ANK3: variants seen among roughly 807,000 people sequenced by gnomAD.
ANK3 encodes the protein ankyrin-3.
In ANK3, 57 loss-of-function variants were observed where a neutral mutation model predicts 370.9. The observed-to-expected ratio is 0.15, with a 90% confidence interval of 0.12 to 0.19. The LOEUF is 0.19. ANK3 is among the 10% of genes least tolerant of loss of function. The probability of loss-of-function intolerance (pLI) is 1.00; values close to 1 mark genes in which losing one functional copy is unlikely to be tolerated. For synonymous variants in ANK3, 1,929 were observed against 1,946.3 expected (o/e 0.99, Z 0.23); for missense variants, 4,439 against 5,302.1 (o/e 0.84, Z 5.06).
intron 2 of ANK3, among the ~76,000 whole-genome samples, chr10:60,575,339 GA>G (rs5785457): frequency 0.19 from 27,970 of 144,190 alleles, 3,156 homozygotes; most frequent in East Asian, 0.38. Context: ...TGGTTGGATG[GA>G]AAAAAAAAAA....
chr10:60,197,414 T>C (rs779456988), intron 14 of ANK3, among the ~76,000 whole-genome samples: 32 of 152,126 alleles, frequency 2.1e-4, no homozygotes, highest in Non-Finnish European at 4.1e-4. Context: ...GATTACGGGG[T>C]CATCAGCACA....
chr10:60,070,581 G>A lies in ANK3; in HGVS notation c.10300C>T (p.Leu3434Phe), dbSNP rs2082500560. Reference sequence around the variant, plus strand: ...TTAATTTCCATGGCTTGAATTGGGAGTTTAGAATCACTCTCTGTCAAGCCA... The same window carrying A: ...TTAATTTCCATGGCTTGAATTGGGAATTTAGAATCACTCTCTGTCAAGCCA... ...DDGLTESDSK[L>F]PIQAMEIKKD... Residue 3434 changes from leucine (L) to phenylalanine (F), a missense_variant, in exon 37 of 44, where the codon CTC becomes TTC. This residue lies in a region of ANK3 where 1,601 missense variants were observed against 1,731.7 expected (regional missense o/e 0.92). Transcript: ENST00000280772. The surrounding 1 kb of genome is among the most constrained non-coding windows in gnomAD (Gnocchi z 5.7). The A allele has an allele frequency of 6.2e-7, 1 of 1,613,986 alleles. No individual in the cohort carries two copies. Among genetic ancestry groups the A allele is most frequent in the Admixed American group, 1.7e-5 (1 of 59,986 alleles).
intron 7 of ANK3, among the ~76,000 whole-genome samples, chr10:60,251,128 C>T (rs906118254): frequency 3.9e-5 from 6 of 152,142 alleles, no homozygotes; most frequent in Non-Finnish European, 7.4e-5. Flanking sequence ...AAATGAAATA[C>T]TTGCTACTGT....
chr10:60,050,093 A>G (rs2077643323), intron 42 of ANK3, among the ~76,000 whole-genome samples: 1 of 152,208 alleles, frequency 6.6e-6, no homozygotes, highest in Non-Finnish European at 1.5e-5. Context: ...GATTATGAGA[A>G]TAGCAAAAAC....
At chr10:60,270,074 T>C (rs2097946234) in intron 5 of ANK3, 57 bp downstream of exon 5, 5 of 1,211,792 alleles carry the variant, frequency 4.1e-6, no homozygotes, top group Non-Finnish European at 5.7e-6. Flanking sequence ...AACTCCAGGT[T>C]TTCAAAATGC....
chr10:60,451,817 T>G (rs2064611574), intron 2 of ANK3, among the ~76,000 whole-genome samples: 1 of 152,158 alleles, frequency 6.6e-6, no homozygotes, highest in African/African-American at 2.4e-5. Flanking sequence ...AGGCCTAGCC[T>G]GAGAGAGAAA....
chr10:60,475,060 A>G (rs974341193), intron 2 of ANK3, among the ~76,000 whole-genome samples: 4 of 152,178 alleles, frequency 2.6e-5, no homozygotes, highest in Non-Finnish European at 5.9e-5. Context: ...GCTACCATTC[A>G]CATCCAATCA....
chr10:60,577,459 T>C (rs549543648), intron 2 of ANK3, among the ~76,000 whole-genome samples: 1 of 152,280 alleles, frequency 6.6e-6, no homozygotes, highest in African/African-American at 2.4e-5. Context: ...TAACAAATCA[T>C]GGGGGCAGGT....
intron 1 of ANK3, among the ~76,000 whole-genome samples, chr10:60,283,164 G>C (rs987672880): frequency 6.6e-6 from 1 of 151,984 alleles, no homozygotes; most frequent in East Asian, 1.9e-4. Context: ...GGCAAATATT[G>C]GATTCTTAAC....
In ANK3 at chr10:60,073,352, G is replaced by T. The variant is rs1335209889; in HGVS notation, c.7529C>A (p.Pro2510His). 3 of 1,613,530 alleles carry T rather than the reference G, an allele frequency of 1.9e-6. No homozygotes were observed. The highest frequency in any genetic ancestry group is 2.7e-5 in the African/African-American group (2 of 74,826). Residue 2510 changes from proline to histidine, a missense_variant, in exon 37 of 44, where the codon CCC (proline) becomes CAC (histidine). Physicochemically the swap from Pro to His is moderately conservative, Grantham distance 77. Around this residue, in one of 13 missense-constraint regions of ANK3, gnomAD observed 1,601 missense variants for 1,731.7 expected, o/e 0.92. Transcript: ENST00000280772. ...GATTTTGGAGAGAATTTCTTTTTTG[G>T]GGGCAGTGGCTATTTTTTCTCTGGA... ...KRSREKIATA[P>H]KKEILSKIYK...
At chr10:60,636,243 T>A (rs2078553186) in intron 1 of ANK3, among the ~76,000 whole-genome samples, 1 of 152,164 alleles carries the variant, frequency 6.6e-6, no homozygotes, top group Non-Finnish European at 1.5e-5. Flanking sequence ...CTAAAAAAAA[T>A]TTTAACCCTT....
At chr10:60,114,172 A>C in intron 26 of ANK3, 53 bp downstream of exon 26, 1 of 984,542 alleles carries the variant, frequency 1.0e-6, no homozygotes, top group South Asian at 1.6e-5. Context: ...TCTAAGTAAT[A>C]AATGCACTGT....
chr10:60,173,191 A>C lies in ANK3; in HGVS notation c.2185-5T>G, dbSNP rs1555061226. 1 of 1,595,588 alleles carries C rather than the reference A, an allele frequency of 6.3e-7. No individual in the cohort carries two copies. Among genetic ancestry groups the C allele is most frequent in the South Asian group, 1.1e-5 (1 of 87,574 alleles). On this transcript the variant is annotated splice_region_variant and splice_polypyrimidine_tract_variant and intron_variant, in intron 18 of 43. Coordinates refer to ENST00000280772, the MANE Select transcript of ANK3 (RefSeq NM_020987.5). ...ATGCAGTGGTGTGTATCCCATCTGTAATTATTATTTTTTTAAAAAAGAAGC... is the reference window on the plus strand; with the variant it reads ...ATGCAGTGGTGTGTATCCCATCTGTCATTATTATTTTTTTAAAAAAGAAGC...
chr10:60,162,888 A>G (rs1306174667), intron 23 of ANK3, among the ~76,000 whole-genome samples: 1 of 152,020 alleles, frequency 6.6e-6, no homozygotes, highest in Non-Finnish European at 1.5e-5. Flanking sequence ...AGTTCTTTCG[A>G]TCTGTAACTA....
Position 60,083,560 on chromosome 10 carries a change from T to C in ANK3, c.4132A>G (p.Lys1378Glu). The change falls in exon 33 of 44, where the codon AAA (lysine) becomes GAA (glutamate). Residue 1378 changes from lysine to glutamate, a missense_variant. By Grantham distance (56) the Lys-to-Glu change is moderately conservative. Coordinates refer to ENST00000280772, the MANE Select transcript of ANK3 (RefSeq NM_020987.5). Reference sequence around the variant, plus strand: ...TTAAAAACAAGTTGCTGTCCTCCTTTGGTAAGTGGGGCCAAATTTCCATAA... The same window carrying C: ...TTAAAAACAAGTTGCTGTCCTCCTTCGGTAAGTGGGGCCAAATTTCCATAA... Reference protein sequence around the residue: ...DCYGNLAPLTKGGQQLVFNFY... With the variant: ...DCYGNLAPLTEGGQQLVFNFY... 1.2e-6 allele frequency: 2 copies of C among 1,612,138 alleles called. No homozygotes were observed. Among genetic ancestry groups the C allele is most frequent in the Non-Finnish European group, 1.7e-6 (2 of 1,179,104 alleles).
intron 2 of ANK3, among the ~76,000 whole-genome samples, chr10:60,490,620 A>T (rs2133119336): frequency 6.6e-6 from 1 of 152,282 alleles, no homozygotes; most frequent in East Asian, 1.9e-4. Flanking sequence ...TCTCCTGCTC[A>T]AGCACATTGC....
chr10:60,167,093 C>T (rs574866782), intron 21 of ANK3, among the ~76,000 whole-genome samples, 197 bp from the exon 22 acceptor site: 1 of 152,110 alleles, frequency 6.6e-6, no homozygotes, highest in African/African-American at 2.4e-5. Context: ...CACAGGAGTA[C>T]AAAATGAAAG....
At chr10:60,171,123 A>C (rs953956601) in intron 21 of ANK3, among the ~76,000 whole-genome samples, 6 of 152,210 alleles carry the variant, frequency 3.9e-5, no homozygotes, top group African/African-American at 1.4e-4. Flanking sequence ...TTAATGATAG[A>C]TTTTAATATA....
chr10:60,071,245 C>T lies in ANK3; in HGVS notation c.9636G>A (p.Gln3212=), dbSNP rs2082633558. 1.9e-6 allele frequency: 3 copies of T among 1,614,116 alleles called. No homozygotes were observed. The highest frequency in any genetic ancestry group is 2.2e-5 in the East Asian group (1 of 44,876). Residue 3212 remains glutamine, a synonymous_variant, in exon 37 of 44, where the codon CAG becomes CAA. Coordinates refer to ENST00000280772, the MANE Select transcript of ANK3 (RefSeq NM_020987.5). ...TCTGCTTAAGGGAGGTTGACTTGGC[C>T]TGTTCCTCCTCCTCTGACTCCTCAG... ...EVSEESEEEE[Q]AKSTSLKQTT...
Sources: allele counts gnomAD v4.1 joint callset (sites outside exome capture counted in the v4.1 genomes callset), GRCh38; gene constraint gnomAD v4.1.1; regional missense constraint gnomAD v4.1.1; non-coding constraint Gnocchi (gnomAD v3.1); transcripts MANE v1.5; gene names NCBI Gene and HGNC (gene_info 2026-07-23, HGNC 2026-07-21).